Variants in VPS11 observed in about 807,000 individuals in gnomAD.
VPS11 encodes the protein vacuolar protein sorting-associated protein 11 homolog.
In VPS11, 51 loss-of-function variants were observed where a neutral mutation model predicts 106.8. The observed-to-expected ratio is 0.48, with a 90% CI of 0.38 to 0.60. The LOEUF is 0.60. Ranked by LOEUF, VPS11 falls within the 20% of genes least tolerant of loss-of-function variation. VPS11 has a pLI of 0.00. For missense variants in VPS11, 950 were observed against 1,190.0 expected (o/e 0.80, Z 2.97); for synonymous variants, 453 against 458.7 (o/e 0.99, Z 0.16).
Position 119,078,002 on chromosome 11 carries a change from G to T in VPS11, c.1697G>T (p.Gly566Val). 1 of 1,613,722 alleles carries T rather than the reference G, an allele frequency of 6.2e-7. No homozygotes were observed. Among genetic ancestry groups the T allele is most frequent in the Non-Finnish European group, 8.5e-7 (1 of 1,179,892 alleles). Residue 566 changes from glycine to valine, a missense_variant, in exon 10 of 16, where the codon GGA (glycine) becomes GTA (valine). Gly to Val is a moderately radical substitution (Grantham distance 109). Around this residue, in one of 3 missense-constraint regions of VPS11, gnomAD observed 453 missense variants for 514.6 expected, o/e 0.88. Transcript: ENST00000621676. ...IPEQTTQLLK[G>V]LCTDYRPSLE... ...GAGCAGACAACTCAGTTGCTGAAGGGACTTTGTACTGATTATCGGCCCAGC... is the reference window on the plus strand; with the variant it reads ...GAGCAGACAACTCAGTTGCTGAAGGTACTTTGTACTGATTATCGGCCCAGC...
At chr11:119,074,402 T>TTTTG (rs781865625) in intron 7 of VPS11, among the ~76,000 whole-genome samples, 37 of 152,006 alleles carry the variant, frequency 2.4e-4, no homozygotes, top group Admixed American at 9.8e-4. Context: ...TCTTTGCTTT[T>TTTTG]TTTGTTTGTT....
chr11:119,075,390 A>G (rs1945567006), intron 7 of VPS11, among the ~76,000 whole-genome samples: 1 of 151,794 alleles, frequency 6.6e-6, no homozygotes, highest in Non-Finnish European at 1.5e-5. Flanking sequence ...CCCCATTTCT[A>G]ACAATAAATA....
Position 119,069,450 on chromosome 11 carries a change from C to T in VPS11, c.345C>T (p.Ile115=). The part of the protein sequence containing the change: ...DEEGINPLVK[I]WNLEKRDGGN... The stretch of plus-strand genomic sequence containing the variant: ...CTGAGGTCTGTCCACAGGTTAAGAT[C>T]TGGAACCTGGAGAAGAGAGATGGTG... The change falls in exon 3 of 16, where the codon ATC becomes ATT. Residue 115 remains isoleucine (I), a synonymous_variant. Transcript: ENST00000621676. 1.2e-6 allele frequency: 2 copies of T among 1,614,040 alleles called. No individual in the cohort carries two copies.
intron 7 of VPS11, among the ~76,000 whole-genome samples, chr11:119,075,352 T>C (rs1364572480): frequency 6.6e-6 from 1 of 151,874 alleles, no homozygotes; most frequent in Admixed American, 6.6e-5. Flanking sequence ...GAGGAATGCA[T>C]GAGCCCAGTC....
intron 7 of VPS11, among the ~76,000 whole-genome samples, chr11:119,076,203 G>A (rs112538118): frequency 0.046 from 6,942 of 149,492 alleles, 549 homozygotes; most frequent in African/African-American, 0.16. Context: ...CCAGCCTGGC[G>A]AAATAGCGAA....
At chr11:119,078,444 G>A (rs1485706658) in intron 11 of VPS11, 110 bp downstream of exon 11, 7 of 1,567,404 alleles carry the variant, frequency 4.5e-6, no homozygotes, top group Admixed American at 3.4e-5. Context: ...ACCTTACCTC[G>A]GGGCTCAATG....
At chr11:119,070,468 T>C in intron 4 of VPS11, 71 bp downstream of exon 4, 7 of 1,425,922 alleles carry the variant, frequency 4.9e-6, no homozygotes, top group Non-Finnish European at 6.6e-6. Flanking sequence ...GATAGGGTAA[T>C]GAAGTGACAG....
rs1945290191 is a variant in VPS11 at position 119,069,575 on chromosome 11, T to C, written c.470T>C (p.Ile157Thr). Residue 157 changes from isoleucine (I) to threonine (T), a missense_variant and splice_region_variant, in exon 3 of 16, where the codon ATT (isoleucine) becomes ACT (threonine). By Grantham distance (89) the Ile-to-Thr change is moderately conservative. Around this residue, in one of 3 missense-constraint regions of VPS11, gnomAD observed 435 missense variants for 630.2 expected, o/e 0.69. Transcript: ENST00000621676. ...TVHENLNFMA[I>T]GFTDGSVTLN... ...CATGAAAATCTCAACTTTATGGCCATTGGTAAACAGAAGGCAAAACTAACC... is the reference window on the plus strand; with the variant it reads ...CATGAAAATCTCAACTTTATGGCCACTGGTAAACAGAAGGCAAAACTAACC... The C allele has an allele frequency of 6.2e-7, 1 of 1,614,016 alleles. No individual in the cohort carries two copies. Among genetic ancestry groups the C allele is most frequent in the Non-Finnish European group, 8.5e-7 (1 of 1,179,886 alleles).
intron 7 of VPS11, 138 bp from the exon 8 acceptor site, chr11:119,076,759 A>C (rs1945635730): frequency 6.9e-6 from 7 of 1,013,938 alleles, no homozygotes; most frequent in Non-Finnish European, 1.0e-5. Flanking sequence ...ACTTTGTTAG[A>C]AATGTAGAAT....
chr11:119,071,864 G>A (rs782249112), intron 5 of VPS11, 21 bp downstream of exon 5: 40 of 1,605,168 alleles, frequency 2.5e-5, no homozygotes, highest in Admixed American at 2.0e-4. Context: ...AGTGAGAAGG[G>A]ACAGGGAGAG....
Position 119,073,412 on chromosome 11 carries a change from G to A in VPS11, c.1086+13G>A. On this transcript the variant is annotated intron_variant, in intron 6 of 15. Coordinates refer to ENST00000621676, the MANE Select transcript of VPS11 (RefSeq NM_021729.6). Reference sequence around the variant, plus strand: ...GACCAAACTGGAGGCAAGGCCACCAGGCTCGCAGAGCTGGCCACAGGCACC... The same window carrying A: ...GACCAAACTGGAGGCAAGGCCACCAAGCTCGCAGAGCTGGCCACAGGCACC... 1 of 1,610,952 alleles carries A rather than the reference G, an allele frequency of 6.2e-7. No homozygotes were observed. Among genetic ancestry groups the A allele is most frequent in the South Asian group, 1.1e-5 (1 of 90,906 alleles).
chr11:119,078,092 A>C (rs1378137313), intron 10 of VPS11, 26 bp downstream of exon 10: 1 of 1,609,328 alleles, frequency 6.2e-7, no homozygotes, highest in Non-Finnish European at 8.5e-7. Context: ...AAAGAGCTTC[A>C]GACTGTGGGG....
At position 119,078,061 on chromosome 11, in the gene VPS11, T is replaced by C; in HGVS notation, c.1756T>C (p.Cys586Arg). The C allele has an allele frequency of 6.2e-7, 1 of 1,610,972 alleles. No homozygotes were observed. Among genetic ancestry groups the C allele is most frequent in the Non-Finnish European group, 8.5e-7 (1 of 1,179,852 alleles). The change falls in exon 10 of 16, where the codon TGC becomes CGC. Residue 586 changes from cysteine to arginine, a missense_variant. Transcript: ENST00000621676. ...EGRSDREAPG[C>R]RANSEEFIPI... ...CCGCAGCGATAGGGAGGCCCCAGGCTGCAGGGTGAGGCTGCAGGGAAAAGA... is the reference window on the plus strand; with the variant it reads ...CCGCAGCGATAGGGAGGCCCCAGGCCGCAGGGTGAGGCTGCAGGGAAAAGA...
At position 119,069,215 on chromosome 11, in the gene VPS11, G is replaced by C. The variant is rs1328911382; in HGVS notation, c.207G>C (p.Trp69Cys). The C allele has an allele frequency of 6.2e-7, 1 of 1,613,932 alleles. No individual in the cohort carries two copies. Among genetic ancestry groups the C allele is most frequent in the South Asian group, 1.1e-5 (1 of 91,086 alleles). ...LVFGDMEGQI[W>C]FLPRSLQLTG... ...CTGCACATATGGAAGGCCAGATCTG[G>C]TTCTTGCCACGTTCCCTACAGCTTA... is the stretch of plus-strand genomic sequence containing the variant. The change falls in exon 2 of 16, where the codon TGG (tryptophan) becomes TGC (cysteine). Residue 69 changes from tryptophan (W) to cysteine (C), a missense_variant. This residue lies in a region of VPS11 where 435 missense variants were observed against 630.2 expected (regional missense o/e 0.69). Coordinates refer to ENST00000621676, the MANE Select transcript of VPS11 (RefSeq NM_021729.6).
At chr11:119,078,471 G>A in intron 11 of VPS11, 94 bp from the exon 12 acceptor site, 1 of 1,577,192 alleles carries the variant, frequency 6.3e-7, no homozygotes, top group Non-Finnish European at 8.6e-7. Flanking sequence ...TGTGAAGAGG[G>A]AATGGACTGA....
Position 119,077,507 on chromosome 11 carries a change from AGT to A in VPS11, c.1434_1435del (p.Ser478ArgfsTer3). 1.2e-6 allele frequency: 2 copies of A among 1,613,634 alleles called. No individual in the cohort carries two copies. The highest frequency in any genetic ancestry group is 1.7e-6 in the Non-Finnish European group (2 of 1,179,676). On this transcript the variant is annotated frameshift_variant, in exon 9 of 16. Transcript: ENST00000621676. LOFTEE classifies it high-confidence loss of function. ...TCTCATGTCTCCCTGGCAGAAAAAG[AGT>A]GAGAGTGAAGTCCACTTTGATGTGG... ...SKLEEFIKKK[S>X]ESEVHFDVET...
intron 3 of VPS11, 30 bp from the exon 4 acceptor site, chr11:119,070,204 T>C (rs1239427942): frequency 1.3e-6 from 2 of 1,586,832 alleles, no homozygotes; most frequent in Non-Finnish European, 1.7e-6. Context: ...TTTTCAGCCT[T>C]ACTGAAGTAA....
rs782079595 is a variant in VPS11 at position 119,079,196 on chromosome 11, A to G, written c.2334A>G (p.Lys778=). 4.3e-6 allele frequency: 7 copies of G among 1,613,560 alleles called. No homozygotes were observed. The Admixed American group carries it at 1.2e-4, about 27-fold the overall frequency. Residue 778 remains lysine (K), a synonymous_variant, in exon 14 of 16, where the codon AAA becomes AAG. Coordinates refer to ENST00000621676, the MANE Select transcript of VPS11 (RefSeq NM_021729.6). ...LSVIRDYLVQ[K]LQKQSQQIAQ... Reference sequence around the variant, plus strand: ...TCATCAGGGACTACCTGGTCCAAAAACTACAGAAACAGAGCCAGCAGATTG... The same window carrying G: ...TCATCAGGGACTACCTGGTCCAAAAGCTACAGAAACAGAGCCAGCAGATTG...
intron 8 of VPS11, 116 bp downstream of exon 8, chr11:119,077,199 G>T: frequency 7.7e-7 from 1 of 1,293,518 alleles, no homozygotes; most frequent in Non-Finnish European, 1.1e-6. Context: ...ACCTTATTTA[G>T]AGGAGTGGCT....
Sources: gnomAD v4.1 joint callset for allele counts (sites outside exome capture counted in the v4.1 genomes callset) on GRCh38, gnomAD v4.1.1 for gene constraint, gnomAD v4.1.1 regional missense constraint, MANE v1.5 for transcripts, NCBI Gene and HGNC (gene_info 2026-07-23, HGNC 2026-07-21) for gene names.